The following MTMR7 variants were observed in gnomAD, a reference collection of about 807,000 sequenced individuals.
The protein encoded by MTMR7 is myotubularin related protein 7.
A neutral mutation model predicts 81.2 loss-of-function variants in MTMR7; 76 were observed. The ratio of observed to expected loss-of-function variants is 0.94; its 90% confidence interval spans 0.78 to 1.13. MTMR7 has a LOEUF of 1.13. Ranked by LOEUF, MTMR7 falls within the 50% of genes most tolerant of loss-of-function variation. The pLI is 0.00. For missense variants in MTMR7, 1,044 were observed against 820.0 expected, an observed-to-expected ratio of 1.27 and a Z score of -3.34; for synonymous variants, 372 against 289.8, an observed-to-expected ratio of 1.28 and a Z score of -2.88.
chr8:17,379,313 G>C (rs1820689238), intron 1 of MTMR7, among the ~76,000 whole-genome samples: 1 of 152,142 alleles, frequency 6.6e-6, no homozygotes, highest in Non-Finnish European at 1.5e-5. Flanking sequence ...AGTGGGGTTT[G>C]AGCGGGCAGA....
In MTMR7 at chr8:17,331,164, T is replaced by C. The variant is rs1171072040; in HGVS notation, c.851A>G (p.Gln284Arg). The C allele has an allele frequency of 5.6e-6, 9 of 1,611,356 alleles. No individual in the cohort carries two copies. Among genetic ancestry groups the C allele is most frequent in the Non-Finnish European group, 7.6e-6 (9 of 1,179,324 alleles). The change falls in exon 7 of 14, where the codon CAG becomes CGG. Residue 284 changes from glutamine (Q) to arginine (R), a missense_variant. Gln to Arg is a conservative substitution (Grantham distance 43). Transcript: ENST00000180173. The part of the protein sequence containing the change: ...ENIHVMRNSL[Q>R]KMLEVCELKS... Reference sequence around the variant, plus strand: ...AAATGGTTTACCTTCCAGCATTTTCTGCAGACTGTTCCTCATGACATGGAT... The same window carrying C: ...AAATGGTTTACCTTCCAGCATTTTCCGCAGACTGTTCCTCATGACATGGAT...
intron 1 of MTMR7, among the ~76,000 whole-genome samples, chr8:17,382,447 T>G (rs750119973): frequency 1.3e-5 from 2 of 152,230 alleles, no homozygotes; most frequent in Non-Finnish European, 2.9e-5. Flanking sequence ...CCTGAGTTAT[T>G]TCTGTCTCTC....
chr8:17,338,753 C>G (rs767557644), intron 6 of MTMR7: 10 of 149,308 alleles, frequency 6.7e-5, no homozygotes, highest in African/African-American at 1.5e-4. Flanking sequence ...CAGTTTGAAA[C>G]TTTTATCTGT....
intron 1 of MTMR7, among the ~76,000 whole-genome samples, chr8:17,400,710 T>C (rs1821401215): frequency 6.6e-6 from 1 of 152,228 alleles, no homozygotes; most frequent in Non-Finnish European, 1.5e-5. Context: ...TAACAGCTGT[T>C]GAGGAGGTAG....
chr8:17,335,056 T>C (rs949088885), intron 6 of MTMR7, among the ~76,000 whole-genome samples: 1 of 152,164 alleles, frequency 6.6e-6, no homozygotes, highest in African/African-American at 2.4e-5. Context: ...GCTCCACCTG[T>C]GGCAGCGGAG....
intron 5 of MTMR7, among the ~76,000 whole-genome samples, chr8:17,344,153 A>C (rs1323895080): frequency 2.0e-5 from 3 of 152,238 alleles, no homozygotes; most frequent in Non-Finnish European, 4.4e-5. Flanking sequence ...ACATGAAGTG[A>C]CCAAAGCACA....
At chr8:17,358,728 A>G (rs920375738) in intron 4 of MTMR7, among the ~76,000 whole-genome samples, 2 of 152,226 alleles carry the variant, frequency 1.3e-5, no homozygotes, top group Non-Finnish European at 2.9e-5. Context: ...AAACATCAGT[A>G]TCCTACCTGT....
intron 1 of MTMR7, among the ~76,000 whole-genome samples, chr8:17,376,954 C>A (rs1194972954): frequency 1.3e-5 from 2 of 151,958 alleles, no homozygotes; most frequent in African/African-American, 4.8e-5. Flanking sequence ...TGCTATATGG[C>A]CAACTTGAAA....
At position 17,413,040 on chromosome 8, in the gene MTMR7, C is replaced by A. The variant is rs1821778946; in HGVS notation, c.24+229G>T. 2.0e-5 allele frequency among the ~76,000 whole-genome samples: 3 copies of A among 152,226 alleles called. No individual in the cohort carries two copies. The South Asian group carries it at 6.2e-4, about 31-fold the overall frequency. The stretch of plus-strand genomic sequence containing the variant: ...TTGTGTCCACTGCGCTCCCCCAAAA[C>A]CAAGAGGTCAGACCCAGCAGCAGCT... On this transcript the variant is annotated intron_variant, in intron 1 of 13. Transcript: ENST00000180173.
At chr8:17,327,333 C>T (rs554507849) in intron 7 of MTMR7, among the ~76,000 whole-genome samples, 1 of 152,292 alleles carries the variant, frequency 6.6e-6, no homozygotes, top group Non-Finnish European at 1.5e-5. Context: ...TCCAGTGGCA[C>T]GATCATGGCT....
intron 3 of MTMR7, among the ~76,000 whole-genome samples, chr8:17,366,601 T>C (rs985954178): frequency 6.6e-6 from 1 of 151,992 alleles, no homozygotes; most frequent in Non-Finnish European, 1.5e-5. Flanking sequence ...ATAACTGTAG[T>C]TGAGGCCGGG....
chr8:17,384,582 C>T (rs767288532), intron 1 of MTMR7, among the ~76,000 whole-genome samples: 1 of 152,144 alleles, frequency 6.6e-6, no homozygotes, highest in Non-Finnish European at 1.5e-5. Flanking sequence ...TGGCAAAGTA[C>T]TCTGACATAC....
chr8:17,337,935 C>T (rs754367633), intron 6 of MTMR7, among the ~76,000 whole-genome samples: 2 of 152,202 alleles, frequency 1.3e-5, no homozygotes, highest in African/African-American at 4.8e-5. Context: ...AGGCCAGGAA[C>T]GATTCAGGTC....
rs6981281 is a variant in MTMR7, at chr8:17,299,395, T to C, written c.*467A>G. The stretch of plus-strand genomic sequence containing the variant: ...AAAGGGTGCATCTCACCAATGTGCC[T>C]GTTTTTAGAAATATGTATAAGAGGG... On this transcript the variant is annotated 3_prime_UTR_variant, in exon 14 of 14. Transcript: ENST00000180173. The C allele has an allele frequency of 0.26, 40,020 of 153,810 alleles. 6,265 individuals are homozygous for C. Among genetic ancestry groups the C allele is most frequent in the East Asian group, 0.62 (3,224 of 5,204 alleles). 9.5% of individuals were successfully genotyped at this position (153,810 alleles called of 1,614,324 possible).
intron 6 of MTMR7, among the ~76,000 whole-genome samples, chr8:17,337,230 T>A (rs10089920): frequency 0.051 from 7,737 of 151,886 alleles, 664 homozygotes; most frequent in African/African-American, 0.18. Flanking sequence ...CCGGGCGTGG[T>A]GGCGGGCACC....
At chr8:17,384,994 T>A (rs555757528) in intron 1 of MTMR7, among the ~76,000 whole-genome samples, 15 of 152,290 alleles carry the variant, frequency 9.8e-5, no homozygotes, top group African/African-American at 3.6e-4. Flanking sequence ...ACCTCTGGTA[T>A]AATGAAGAAA....
intron 1 of MTMR7, among the ~76,000 whole-genome samples, chr8:17,400,613 A>C (rs1372575497): frequency 6.6e-6 from 1 of 152,158 alleles, no homozygotes; most frequent in Non-Finnish European, 1.5e-5. Context: ...TGATTTTATC[A>C]AAAGAACAAA....
At chr8:17,343,671 A>AT (rs1410505982) in intron 5 of MTMR7, among the ~76,000 whole-genome samples, 3 of 152,232 alleles carry the variant, frequency 2.0e-5, no homozygotes, top group African/African-American at 7.2e-5. Context: ...TGGAACTGTT[A>AT]TATACTGTGG....
chr8:17,309,749 C>T (rs1028783949), intron 9 of MTMR7, among the ~76,000 whole-genome samples: 2 of 152,284 alleles, frequency 1.3e-5, no homozygotes, highest in South Asian at 4.1e-4. Flanking sequence ...CACTTCAAAC[C>T]CTATCTCAAC....
Sources: allele counts gnomAD v4.1 joint callset (sites outside exome capture counted in the v4.1 genomes callset), GRCh38; gene constraint gnomAD v4.1.1; transcripts MANE v1.5; gene names NCBI Gene and HGNC (gene_info 2026-07-23, HGNC 2026-07-21).